WDR49: variants seen among roughly 807,000 people sequenced by gnomAD.
The protein encoded by WDR49 is cilia- and flagella-associated protein 337.
Under a neutral mutation model 119.5 loss-of-function variants are expected in WDR49, and 107 were observed. The ratio of observed to expected loss-of-function variants is 0.90; its 90% confidence interval spans 0.77 to 1.05. The LOEUF is 1.05. Ranked by LOEUF, WDR49 falls within the 50% of genes least tolerant of loss-of-function variation. The probability of loss-of-function intolerance (pLI) is 0.00; values close to 1 mark genes in which losing one functional copy is unlikely to be tolerated. For synonymous variants in WDR49, 425 were observed against 418.8 expected (o/e 1.01, Z -0.18); for missense variants, 1,240 against 1,220.5 (o/e 1.02, Z -0.24).
intron 8 of WDR49, among the ~76,000 whole-genome samples, chr3:167,569,155 G>A (rs1464500313): frequency 6.6e-6 from 1 of 152,054 alleles, no homozygotes; most frequent in Non-Finnish European, 1.5e-5. Flanking sequence ...TGTTGGCCAG[G>A]CTGGTCTTGA....
At chr3:167,557,406 T>C (rs1712998998) in intron 9 of WDR49, among the ~76,000 whole-genome samples, 1 of 152,166 alleles carries the variant, frequency 6.6e-6, no homozygotes, top group African/African-American at 2.4e-5. Flanking sequence ...TTTGAATCAA[T>C]GCAATTGCTC....
chr3:167,548,590 C>T lies in WDR49; in HGVS notation c.1823+6060G>A, dbSNP rs201407465. Among the ~76,000 whole-genome samples, 5 of 152,064 alleles carry T rather than the reference C, an allele frequency of 3.3e-5. No individual in the cohort carries two copies. In the East Asian group the frequency reaches 9.7e-4, roughly 29 times the overall value. Reference sequence around the variant, plus strand: ...TATTAATATCAATCATATCTACACACTATAAAAATGTTAATTGAGCTCAGG... The same window carrying T: ...TATTAATATCAATCATATCTACACATTATAAAAATGTTAATTGAGCTCAGG... On this transcript the variant is annotated intron_variant, in intron 10 of 18. Coordinates refer to ENST00000682715, the MANE Select transcript of WDR49 (RefSeq NM_001366157.1).
At chr3:167,596,406 A>C (rs1227907157) in intron 7 of WDR49, among the ~76,000 whole-genome samples, 1 of 151,648 alleles carries the variant, frequency 6.6e-6, no homozygotes, top group African/African-American at 2.4e-5. Context: ...TGCTGCTATA[A>C]AGACACATGC....
intron 16 of WDR49, among the ~76,000 whole-genome samples, chr3:167,518,467 C>T (rs1752303439): frequency 6.6e-6 from 1 of 152,052 alleles, no homozygotes; most frequent in Admixed American, 6.6e-5. Context: ...TTTTGATTTG[C>T]ATTTCTCTGA....
Position 167,560,080 on chromosome 3 carries a change from G to A in WDR49, c.1658C>T (p.Thr553Ile). The A allele has an allele frequency of 1.2e-6, 2 of 1,614,078 alleles. No individual in the cohort carries two copies. The highest frequency in any genetic ancestry group is 1.7e-6 in the Non-Finnish European group (2 of 1,180,002). The change falls in exon 9 of 19, where the codon ACA (threonine) becomes ATA (isoleucine). Residue 553 changes from threonine (T) to isoleucine (I), a missense_variant. Physicochemically the swap from Thr to Ile is moderately conservative, Grantham distance 89. Transcript: ENST00000682715. ...ANETRLLTGS[T>I]DGTVKIWDFN... ...TGTTCGCACCTTTACAGTCCCATCT[G>A]TGCTGCCAGTCAAAAGCCGAGTCTC...
At chr3:167,610,102 C>T (rs756515376) in intron 5 of WDR49, among the ~76,000 whole-genome samples, 1 of 152,152 alleles carries the variant, frequency 6.6e-6, no homozygotes, top group African/African-American at 2.4e-5. Context: ...AGACTCGGCA[C>T]ATTACTAGCT....
intron 18 of WDR49, among the ~76,000 whole-genome samples, chr3:167,483,028 G>T (rs1020214703): frequency 6.6e-5 from 10 of 152,272 alleles, no homozygotes; most frequent in Middle Eastern, 3.4e-3. Context: ...TAGAAGGGGG[G>T]TAGGAGAAGG....
intron 15 of WDR49, among the ~76,000 whole-genome samples, chr3:167,524,581 T>C (rs956876969): frequency 6.6e-6 from 1 of 152,224 alleles, no homozygotes; most frequent in Non-Finnish European, 1.5e-5. Context: ...TTAATTTTTG[T>C]ATAAGGTATA....
chr3:167,582,031 CGTGTGTGTGTGTGT>C (rs57233824), intron 7 of WDR49, among the ~76,000 whole-genome samples: 34,804 of 142,346 alleles, frequency 0.24, 4,280 homozygotes, highest in Non-Finnish European at 0.27. Context: ...GGCATGCTTC[CGTGTGTGTGTGTGT>C]GTGTGTGTGT....
In WDR49 at chr3:167,576,061, G is replaced by A; in HGVS notation, c.1366C>T (p.His456Tyr). 2 of 1,614,164 alleles carry A rather than the reference G, an allele frequency of 1.2e-6. No individual in the cohort carries two copies. The highest frequency in any genetic ancestry group is 1.7e-6 in the Non-Finnish European group (2 of 1,180,026). The change falls in exon 8 of 19, where the codon CAC becomes TAC. Residue 456 changes from histidine (H) to tyrosine (Y), a missense_variant. By Grantham distance (83) the His-to-Tyr change is moderately conservative. Transcript: ENST00000682715. ...PKSQDFRCLF[H>Y]FDEAHGRLFI... Reference sequence around the variant, plus strand: ...AGTCGTCCATGGGCTTCATCAAAGTGGAAGAGACATCTGAAGTCCTGACTT... The same window carrying A: ...AGTCGTCCATGGGCTTCATCAAAGTAGAAGAGACATCTGAAGTCCTGACTT...
chr3:167,597,968 A>T (rs541452837), intron 7 of WDR49, among the ~76,000 whole-genome samples: 1 of 152,232 alleles, frequency 6.6e-6, no homozygotes, highest in African/African-American at 2.4e-5. Context: ...GGAATGAGTT[A>T]AGACTTTGGG....
At chr3:167,517,965 A>G (rs1752284935) in intron 16 of WDR49, among the ~76,000 whole-genome samples, 1 of 150,574 alleles carries the variant, frequency 6.6e-6, no homozygotes, top group South Asian at 2.1e-4. Flanking sequence ...ATTCCCACCT[A>G]TGAGTGAGAA....
At position 167,604,324 on chromosome 3, in the gene WDR49, T is replaced by C; in HGVS notation, c.1103A>G (p.Tyr368Cys). 6.2e-7 allele frequency: 1 copy of C among 1,613,726 alleles called. No homozygotes were observed. The highest frequency in any genetic ancestry group is 1.1e-5 in the South Asian group (1 of 91,036). Residue 368 changes from tyrosine to cysteine, a missense_variant, in exon 6 of 19, where the codon TAT (tyrosine) becomes TGT (cysteine). By Grantham distance (194) the Tyr-to-Cys change is radical. Transcript: ENST00000682715. ...NIAQGIHAFD[Y>C]HSRLNLIATA... is the part of the protein sequence containing the mutation. Reference sequence around the variant, plus strand: ...ACCAATTAAATTGAGCCGAGAGTGATAATCAAAAGCATGAATGCCCTGGGC... The same window carrying C: ...ACCAATTAAATTGAGCCGAGAGTGACAATCAAAAGCATGAATGCCCTGGGC...
chr3:167,624,693 AAAG>A (rs1271517880), intron 3 of WDR49, among the ~76,000 whole-genome samples: 1 of 152,120 alleles, frequency 6.6e-6, no homozygotes. Flanking sequence ...AGTAAGCACA[AAAG>A]AAAGGCTAAG....
chr3:167,596,960 AAAAAG>A (rs1363057903), intron 7 of WDR49, among the ~76,000 whole-genome samples: 1 of 150,972 alleles, frequency 6.6e-6, no homozygotes, highest in Non-Finnish European at 1.5e-5. Context: ...GAAAAAAAAA[AAAAAG>A]AAAAGAAAAA....
Position 167,527,959 on chromosome 3 carries a change from G to C in WDR49, c.2465C>G (p.Ser822Ter). Residue 822 changes from serine (S) to a stop codon, truncating the protein, a stop_gained, in exon 15 of 19, where the codon TCA (serine) becomes TGA (stop). Transcript: ENST00000682715. LOFTEE classifies it high-confidence loss of function. The stretch of plus-strand genomic sequence containing the variant: ...TATTCGGTCCTCATGAGGTTGGAAT[G>C]ATCTTATCAGAGTTGGGGCCTTGGT... The part of the protein sequence containing the change: ...KITKAPTLIR[S>*]FQPHEDRISS... 1.2e-6 allele frequency: 2 copies of C among 1,613,256 alleles called. No homozygotes were observed. The highest frequency in any genetic ancestry group is 1.7e-6 in the Non-Finnish European group (2 of 1,179,508).
At chr3:167,485,653 A>G (rs557322222) in intron 18 of WDR49, among the ~76,000 whole-genome samples, 64 of 152,242 alleles carry the variant, frequency 4.2e-4, no homozygotes, top group African/African-American at 1.5e-3. Context: ...GACCAAGCTG[A>G]GGAAAAACCT....
At chr3:167,587,004 T>C (rs1714852580) in intron 7 of WDR49, among the ~76,000 whole-genome samples, 1 of 152,172 alleles carries the variant, frequency 6.6e-6, no homozygotes, top group African/African-American at 2.4e-5. Context: ...CTACAATTTA[T>C]TGGGGACCTG....
At chr3:167,653,140 A>G (rs2420023) in intron 2 of WDR49, 121 bp downstream of exon 2, 2 of 1,163,032 alleles carry the variant, frequency 1.7e-6, no homozygotes, top group African/African-American at 3.1e-5. Context: ...AATTATTTTT[A>G]ATTCTCTGCT....
Sources: allele counts gnomAD v4.1 joint callset (sites outside exome capture counted in the v4.1 genomes callset), GRCh38; gene constraint gnomAD v4.1.1; transcripts MANE v1.5; gene names NCBI Gene and HGNC (gene_info 2026-07-23, HGNC 2026-07-21).